The following CRISPLD2 variants were observed in gnomAD, a reference collection of about 807,000 sequenced individuals.
CRISPLD2 encodes the protein cysteine-rich secretory protein LCCL domain-containing 2.
CRISPLD2 carries 47 observed loss-of-function variants against 71.1 expected under a neutral mutation model. That is an observed-to-expected ratio of 0.66 (90% CI 0.52 to 0.84). The LOEUF is 0.84. Among genes scored for constraint, CRISPLD2 ranks in the 40% least tolerant of loss-of-function variants. The pLI is 0.00. For missense variants in CRISPLD2, 830 were observed against 651.1 expected (o/e 1.27, Z -2.99); for synonymous variants, 317 against 250.1 (o/e 1.27, Z -2.52).
intron 2 of CRISPLD2, chr16:84,842,415 C>G (rs1297717632): frequency 6.7e-6 from 1 of 148,182 alleles, no homozygotes; most frequent in African/African-American, 2.5e-5. Context: ...AGCACTGTCG[C>G]CTAGGCTGGA....
Position 84,850,600 on chromosome 16 carries a change from T to C in CRISPLD2, c.525T>C (p.Cys175=), listed in dbSNP as rs371054674. The C allele has an allele frequency of 1.7e-5, 28 of 1,614,086 alleles. No individual in the cohort carries two copies. Among genetic ancestry groups the C allele is most frequent in the Non-Finnish European group, 2.2e-5 (26 of 1,180,056 alleles). ...GGGCCACCACCAACAAGATCGGTTGTGCTGTGAACACCTGCCGGAAGATGA... is the reference window on the plus strand; with the variant it reads ...GGGCCACCACCAACAAGATCGGTTGCGCTGTGAACACCTGCCGGAAGATGA... ...IVWATTNKIG[C]AVNTCRKMTV... is the part of the protein sequence containing the mutation. Residue 175 remains cysteine, a synonymous_variant, in exon 5 of 15, where the codon TGT becomes TGC. Transcript: ENST00000262424.
intron 6 of CRISPLD2, among the ~76,000 whole-genome samples, chr16:84,861,331 A>G (rs1472453794): frequency 1.3e-5 from 2 of 152,126 alleles, no homozygotes; most frequent in African/African-American, 4.8e-5. Context: ...TAGGATATAT[A>G]TATATAGGGG....
rs971464959 is a variant in CRISPLD2 at position 84,889,447 on chromosome 16, T to C, written c.1439+84T>C. 6.4e-6 allele frequency: 9 copies of C among 1,410,528 alleles called. No individual in the cohort carries two copies. The African/African-American group carries it at 1.3e-4, about 21-fold the overall frequency. 87.4% of individuals were successfully genotyped at this position (1,410,528 alleles called of 1,614,324 possible). A position where few individuals can be genotyped will look rare whatever the true frequency, so the allele number is the denominator to read the frequency against. ...GGGCCTGGGAAGAGGCCCAGAGTCA[T>C]TACCCTTTAAAATAAAACTCGGGTA... On this transcript the variant is annotated intron_variant, in intron 14 of 14. Transcript: ENST00000262424.
At chr16:84,885,549 C>T (rs1173560704) in intron 13 of CRISPLD2, among the ~76,000 whole-genome samples, 2 of 152,206 alleles carry the variant, frequency 1.3e-5, no homozygotes, top group African/African-American at 2.4e-5. Context: ...AACTCCAGGG[C>T]CTCCCAGATA....
At chr16:84,840,566 G>C (rs910922748) in intron 2 of CRISPLD2, among the ~76,000 whole-genome samples, 1 of 152,144 alleles carries the variant, frequency 6.6e-6, no homozygotes, top group African/African-American at 2.4e-5. Context: ...GGGTGCAATG[G>C]TGCCATCTCG....
chr16:84,874,918 C>G (rs375934239), intron 11 of CRISPLD2, among the ~76,000 whole-genome samples: 14 of 152,264 alleles, frequency 9.2e-5, no homozygotes, highest in Admixed American at 5.2e-4. Flanking sequence ...GAGTTACATA[C>G]AATTTGGTAA....
chr16:84,875,070 GTC>G (rs1345961158), intron 11 of CRISPLD2, among the ~76,000 whole-genome samples: 2 of 152,024 alleles, frequency 1.3e-5, no homozygotes, highest in African/African-American at 4.8e-5. Flanking sequence ...GCAAGACCCT[GTC>G]TCTGCAAAAA....
chr16:84,845,363 C>T (rs1002412621), intron 2 of CRISPLD2, among the ~76,000 whole-genome samples: 11 of 152,192 alleles, frequency 7.2e-5, no homozygotes, highest in African/African-American at 2.4e-4. Flanking sequence ...GGAGAGGAAG[C>T]CTGGTGTGCC....
intron 5 of CRISPLD2, among the ~76,000 whole-genome samples, chr16:84,851,707 G>T (rs1373909532): frequency 2.6e-5 from 4 of 152,186 alleles, no homozygotes; most frequent in Admixed American, 1.3e-4. Context: ...GCAGCAGACT[G>T]GTCCAAGGTG....
intron 6 of CRISPLD2, among the ~76,000 whole-genome samples, chr16:84,860,622 A>G (rs1219447804): frequency 6.6e-6 from 1 of 152,180 alleles, no homozygotes; most frequent in African/African-American, 2.4e-5. Context: ...CGTTGCCACT[A>G]CTGGGGATGG....
Position 84,824,989 on chromosome 16 carries a change from A to C in CRISPLD2, c.-75+4856A>C, listed in dbSNP as rs904339960. ...CGTGGTGGCAGGCACCTGTAGTCCC[A>C]GCTACTCGGGAGGCTGAGACAGAAG... On this transcript the variant is annotated intron_variant, in intron 1 of 14. Transcript: ENST00000262424. Among the ~76,000 whole-genome samples the C allele has an allele frequency of 3.3e-5, 5 of 152,272 alleles. No individual in the cohort carries two copies. The South Asian group carries it at 8.3e-4, about 25-fold the overall frequency.
Position 84,851,550 on chromosome 16 carries a change from G to T in CRISPLD2, c.608+867G>T, listed in dbSNP as rs562301155. 2.0e-3 allele frequency among the ~76,000 whole-genome samples: 312 copies of T among 152,340 alleles called. 2 individuals are homozygous for T. Among genetic ancestry groups the T allele is most frequent in the African/African-American group, 7.3e-3 (305 of 41,576 alleles). On this transcript the variant is annotated intron_variant, in intron 5 of 14. Coordinates refer to ENST00000262424, the MANE Select transcript of CRISPLD2 (RefSeq NM_031476.4). ...GTAGTTATGAAAAGGTGGGATGAAG[G>T]GGGAATCGCTGAGGTTGGGAGGAAA... is the stretch of plus-strand genomic sequence containing the variant.
chr16:84,844,797 C>G (rs1179396852), intron 2 of CRISPLD2, among the ~76,000 whole-genome samples: 1 of 152,164 alleles, frequency 6.6e-6, no homozygotes, highest in Non-Finnish European at 1.5e-5. Flanking sequence ...CTTTTCTTTG[C>G]AGGCCTGTGT....
chr16:84,874,511 A>G (rs2071501844), intron 11 of CRISPLD2, among the ~76,000 whole-genome samples: 2 of 152,288 alleles, frequency 1.3e-5, no homozygotes, highest in South Asian at 4.1e-4. Context: ...AAGTGAAGGG[A>G]TGGATCATAG....
rs775361702 is a variant in CRISPLD2, at chr16:84,838,744, C to G, written c.240+9C>G. The G allele has an allele frequency of 5.0e-6, 8 of 1,608,294 alleles. No individual in the cohort carries two copies. Among genetic ancestry groups the G allele is most frequent in the African/African-American group, 4.0e-5 (3 of 74,866 alleles). On this transcript the variant is annotated intron_variant, in intron 2 of 14. Transcript: ENST00000262424. ...CCAACATGGAGTACATGGTGAGCGC[C>G]GGCTCCGGCCGCAGAGGCTGGCACC...
chr16:84,856,855 G>T (rs1324035505), intron 6 of CRISPLD2, among the ~76,000 whole-genome samples: 1 of 152,218 alleles, frequency 6.6e-6, no homozygotes, highest in Non-Finnish European at 1.5e-5. Context: ...GCCATAAATT[G>T]AGTGCCTTGG....
intron 1 of CRISPLD2, among the ~76,000 whole-genome samples, chr16:84,835,243 A>G (rs551964725): frequency 9.7e-4 from 148 of 152,140 alleles, no homozygotes; most frequent in Non-Finnish European, 1.6e-3. Context: ...GGCAGGCGCC[A>G]CCACGCCCAA....
At chr16:84,860,532 T>C (rs982863585) in intron 6 of CRISPLD2, among the ~76,000 whole-genome samples, 1 of 151,514 alleles carries the variant, frequency 6.6e-6, no homozygotes, top group East Asian at 1.9e-4. Flanking sequence ...GGCAGCTGCC[T>C]CAGGCGCCTC....
At position 84,863,930 on chromosome 16, in the gene CRISPLD2, C is replaced by T. The variant is rs1381608071; in HGVS notation, c.710-2967C>T. Among the ~76,000 whole-genome samples the T allele has an allele frequency of 2.1e-5, 3 of 141,824 alleles. No individual in the cohort carries two copies. In the East Asian group the frequency reaches 6.1e-4, roughly 29 times the overall value. The allele number at this position is 141,824 out of a possible 152,430, so 93.0% of individuals were successfully genotyped here. On this transcript the variant is annotated intron_variant, in intron 6 of 14. Transcript: ENST00000262424. ...CGAGATCACACCATTGCACTCCAGC[C>T]TGGGCAACAAGAGCAAAACTTCCTC...
Sources: allele counts gnomAD v4.1 joint callset (sites outside exome capture counted in the v4.1 genomes callset), GRCh38; gene constraint gnomAD v4.1.1; transcripts MANE v1.5; gene names NCBI Gene and HGNC (gene_info 2026-07-23, HGNC 2026-07-21).